The following PDE1A variants were observed in gnomAD, a reference collection of about 807,000 sequenced individuals.
The protein encoded by PDE1A is phosphodiesterase 1A.
In PDE1A, 35 loss-of-function variants were observed where a neutral mutation model predicts 61.7. The ratio of observed to expected loss-of-function variants is 0.57; its 90% CI spans 0.43 to 0.75. The LOEUF (loss-of-function observed/expected upper bound fraction) is 0.75. PDE1A is among the 30% of genes least tolerant of loss of function. PDE1A has a pLI of 0.00. For missense variants in PDE1A, 597 were observed against 630.6 expected (o/e 0.95, Z 0.57); for synonymous variants, 232 against 213.2 (o/e 1.09, Z -0.77).
chr2:182,396,988 G>GT (rs1440529872), intron 1 of PDE1A, among the ~76,000 whole-genome samples: 1 of 152,056 alleles, frequency 6.6e-6, no homozygotes, highest in African/African-American at 2.4e-5. Flanking sequence ...CTACCTGTGG[G>GT]TATTTCCCTT....
chr2:182,588,978 G>T, the PDE1A span, among the ~76,000 whole-genome samples: 2 of 151,022 alleles, frequency 1.3e-5, no homozygotes, highest in African/African-American at 4.9e-5. Flanking sequence ...GGGAGGCAGA[G>T]GTTGCACTGA....
chr2:182,711,053 G>A, the PDE1A span, among the ~76,000 whole-genome samples: 1 of 152,140 alleles, frequency 6.6e-6, no homozygotes, highest in South Asian at 2.1e-4. Flanking sequence ...GAGAAGAGAG[G>A]CTGAGCAGTG....
intron 1 of PDE1A, among the ~76,000 whole-genome samples, chr2:182,411,943 A>G (rs1702640597): frequency 6.6e-6 from 1 of 152,026 alleles, no homozygotes; most frequent in Non-Finnish European, 1.5e-5. Context: ...CTGTAATCCC[A>G]GCTACTCGGG....
At chr2:182,612,000 T>C in the PDE1A span, among the ~76,000 whole-genome samples, 1 of 152,118 alleles carries the variant, frequency 6.6e-6, no homozygotes, top group Non-Finnish European at 1.5e-5. Flanking sequence ...AAACAACAGC[T>C]CCATTTTTTC....
chr2:182,254,030 CT>C (rs1320589076), intron 2 of PDE1A, among the ~76,000 whole-genome samples: 1 of 151,984 alleles, frequency 6.6e-6, no homozygotes, highest in Non-Finnish European at 1.5e-5. Flanking sequence ...TTTAAAACAT[CT>C]TTTTAAAATG....
intron 1 of PDE1A, among the ~76,000 whole-genome samples, chr2:182,352,402 T>C (rs1489543247): frequency 6.6e-6 from 1 of 152,226 alleles, no homozygotes; most frequent in Non-Finnish European, 1.5e-5. Flanking sequence ...CCAGGAGCCT[T>C]ATGCCTTCTG....
At chr2:182,674,575 CATAT>C in the PDE1A span, among the ~76,000 whole-genome samples, 95,422 of 149,268 alleles carry the variant, frequency 0.64, 30,805 homozygotes, top group Middle Eastern at 0.78. Context: ...TTCACAGATA[CATAT>C]ATATATATAT....
chr2:182,546,764 A>T, the PDE1A span, among the ~76,000 whole-genome samples: 160 of 152,336 alleles, frequency 1.1e-3, no homozygotes, highest in African/African-American at 3.6e-3. Flanking sequence ...ACAAGAAAGG[A>T]TTCACCTAAA....
chr2:182,175,243 C>A (rs1271618985), intron 13 of PDE1A, among the ~76,000 whole-genome samples: 1 of 152,168 alleles, frequency 6.6e-6, no homozygotes, highest in Admixed American at 6.6e-5. Flanking sequence ...GATTTATAAT[C>A]CTTTGGGTAC....
At chr2:182,381,410 C>T (rs374042349) in intron 1 of PDE1A, among the ~76,000 whole-genome samples, 21 of 152,090 alleles carry the variant, frequency 1.4e-4, no homozygotes, top group African/African-American at 3.4e-4. Context: ...GTCAATGAAG[C>T]GTTACATTAT....
chr2:182,649,593 G>A, the PDE1A span, among the ~76,000 whole-genome samples: 2 of 130,682 alleles, frequency 1.5e-5, no homozygotes, highest in Non-Finnish European at 3.2e-5. Flanking sequence ...AATATACCAA[G>A]ACCCCACTCT....
intron 13 of PDE1A, among the ~76,000 whole-genome samples, chr2:182,177,259 T>G (rs1684323018): frequency 6.6e-6 from 1 of 152,200 alleles, no homozygotes; most frequent in South Asian, 2.1e-4. Flanking sequence ...TCGGAAGGAA[T>G]GGCACCAGTT....
intron 6 of PDE1A, among the ~76,000 whole-genome samples, chr2:182,226,497 T>C (rs1421686198): frequency 6.7e-6 from 1 of 149,952 alleles, no homozygotes; most frequent in Non-Finnish European, 1.5e-5. Flanking sequence ...ACATCTACTT[T>C]GCATTAGCAA....
chr2:182,545,097 G>C, the PDE1A span, among the ~76,000 whole-genome samples: 1 of 152,164 alleles, frequency 6.6e-6, no homozygotes, highest in African/African-American at 2.4e-5. Flanking sequence ...TTAGTTCATA[G>C]CCATTGTATT....
intron 6 of PDE1A, 76 bp downstream of exon 6, chr2:182,229,930 G>T: frequency 8.8e-7 from 1 of 1,136,814 alleles, no homozygotes; most frequent in Non-Finnish European, 1.3e-6. Flanking sequence ...GCATTAAAGA[G>T]ACAATAGAAA....
chr2:182,276,486 C>T lies in PDE1A; in HGVS notation c.54-12072G>A, dbSNP rs112400906. On this transcript the variant is annotated intron_variant, in intron 1 of 13. Transcript: ENST00000351439. Reference sequence around the variant, plus strand: ...CCCAAATAATACTCATAATTTCTTACGCCTGTCTTACTTTAATCTCTTAAT... The same window carrying T: ...CCCAAATAATACTCATAATTTCTTATGCCTGTCTTACTTTAATCTCTTAAT... Among the ~76,000 whole-genome samples the T allele has an allele frequency of 7.0e-3, 1,058 of 152,170 alleles. 8 individuals carry two copies. Among genetic ancestry groups the T allele is most frequent in the African/African-American group, 0.023 (948 of 41,528 alleles).
At chr2:182,423,587 T>G (rs1267940810) in intron 1 of PDE1A, among the ~76,000 whole-genome samples, 2 of 152,222 alleles carry the variant, frequency 1.3e-5, no homozygotes, top group Admixed American at 1.3e-4. Flanking sequence ...AAGCTCTTGC[T>G]CTCATATCTT....
At chr2:182,379,089 G>A (rs747993953) in intron 1 of PDE1A, among the ~76,000 whole-genome samples, 4 of 152,150 alleles carry the variant, frequency 2.6e-5, no homozygotes, top group Non-Finnish European at 5.9e-5. Context: ...GGATGAAATA[G>A]TTTTGTGTAA....
In PDE1A at chr2:182,218,137, G is replaced by A. The variant is rs573060717; in HGVS notation, c.776+5727C>T. Among the ~76,000 whole-genome samples, 12 of 150,552 alleles carry A rather than the reference G, an allele frequency of 8.0e-5. No homozygotes were observed. The South Asian group carries it at 2.1e-3, about 27-fold the overall frequency. On this transcript the variant is annotated intron_variant, in intron 7 of 13. Transcript: ENST00000351439. ...CTTTGTAGGGACATGGATGAAATTG[G>A]AAAACATCATTCTCAGTAAACTATC...
Sources: gnomAD v4.1 joint callset for allele counts (sites outside exome capture counted in the v4.1 genomes callset) on GRCh38, gnomAD v4.1.1 for gene constraint, MANE v1.5 for transcripts, NCBI Gene and HGNC (gene_info 2026-07-23, HGNC 2026-07-21) for gene names.